Variants in AHDC1 observed in about 807,000 individuals in gnomAD.
The protein encoded by AHDC1 is transcription factor Gibbin.
A neutral mutation model predicts 87.9 loss-of-function variants in AHDC1; 7 were observed. The observed-to-expected ratio is 0.08, with a 90% CI of 0.05 to 0.15. AHDC1 has a LOEUF of 0.15. AHDC1 is among the 10% of genes least tolerant of loss of function. The pLI, the probability that AHDC1 is intolerant of heterozygous loss-of-function variation, is 1.00. For synonymous variants in AHDC1, 1,051 were observed against 1,006.8 expected (o/e 1.04, Z -0.83); for missense variants, 1,841 against 2,253.2 (o/e 0.82, Z 3.70).
In AHDC1 at chr1:27,560,558, ATG is replaced by A. The variant is rs2020029191; in HGVS notation, c.-628-1677_-628-1676del. Among the ~76,000 whole-genome samples the A allele has an allele frequency of 6.6e-6, 1 of 151,992 alleles. No individual in the cohort carries two copies. The highest frequency in any genetic ancestry group is 1.5e-5 in the Non-Finnish European group (1 of 67,986). ...TGCCTTTCTCTGGGTTTTCAGGGTC[ATG>A]GTGTGGCAGTGTGACTGGCCACAGT... On this transcript the variant is annotated intron_variant, in intron 3 of 8. Coordinates refer to ENST00000673934, the MANE Select transcript of AHDC1 (RefSeq NM_001371928.1). The surrounding 1 kb of genome is among the most constrained non-coding windows in gnomAD (Gnocchi z 4.1).
rs756490904 is a variant in AHDC1, at chr1:27,550,475, G to T, written c.1641C>A (p.Arg547=). The T allele has an allele frequency of 6.2e-7, 1 of 1,605,446 alleles. No homozygotes were observed. Among genetic ancestry groups the T allele is most frequent in the East Asian group, 2.2e-5 (1 of 44,710 alleles). Residue 547 remains arginine, a synonymous_variant, in exon 8 of 9, where the codon CGC becomes CGA. Transcript: ENST00000673934. ...GEMPIILKRK[R]GRPPKNLLLG... ...GCAGCAGGTTCTTAGGAGGGCGGCCGCGCTTACGTTTGAGAATAATGGGCA... is the reference window on the plus strand; with the variant it reads ...GCAGCAGGTTCTTAGGAGGGCGGCCTCGCTTACGTTTGAGAATAATGGGCA...
Position 27,551,441 on chromosome 1 carries a change from C to G in AHDC1, c.675G>C (p.Leu225=). ...SPGATAAATG[L]PPEPEPDSTD... ...TGCTGTCTGGCTCAGGCTCTGGGGGCAGACCCGTGGCCGCAGCCGTGGCTC... is the reference window on the plus strand; with the variant it reads ...TGCTGTCTGGCTCAGGCTCTGGGGGGAGACCCGTGGCCGCAGCCGTGGCTC... The change falls in exon 8 of 9, where the codon CTG becomes CTC. Residue 225 remains leucine (L), a synonymous_variant. Transcript: ENST00000673934. 6.2e-7 allele frequency: 1 copy of G among 1,612,576 alleles called. No individual in the cohort carries two copies. Among genetic ancestry groups the G allele is most frequent in the Non-Finnish European group, 8.5e-7 (1 of 1,179,832 alleles).
chr1:27,599,886 TGA>T (rs2089483516), intron 3 of AHDC1, among the ~76,000 whole-genome samples: 1 of 151,948 alleles, frequency 6.6e-6, no homozygotes, highest in African/African-American at 2.4e-5. Context: ...CCTCCTCCTG[TGA>T]GAGTCTCTCT....
At chr1:27,566,105 G>C (rs141318322) in intron 3 of AHDC1, among the ~76,000 whole-genome samples, 8 of 152,280 alleles carry the variant, frequency 5.3e-5, no homozygotes, top group African/African-American at 1.7e-4. Context: ...GTAGGAAATA[G>C]AGTAAGGAGA....
intron 8 of AHDC1, among the ~76,000 whole-genome samples, chr1:27,545,710 T>C (rs916329090): frequency 1.1e-4 from 16 of 150,976 alleles, no homozygotes; most frequent in African/African-American, 3.7e-4. Flanking sequence ...ATTTTAATCT[T>C]GGCCTGGCTT....
At chr1:27,539,997 C>T (rs1400629477) in intron 8 of AHDC1, among the ~76,000 whole-genome samples, 2 of 152,090 alleles carry the variant, frequency 1.3e-5, no homozygotes, top group Non-Finnish European at 2.9e-5. Context: ...CACTCTCCAC[C>T]CTCCAGCTGG....
chr1:27,557,382 G>T lies in AHDC1; in HGVS notation c.-225+923C>A, dbSNP rs1261136648. ...GCCTTCCCTGCAGCCTCTCACCCCC[G>T]CCCACCTCCTTCCCCAGAGAGCTCC... is the stretch of plus-strand genomic sequence containing the variant. On this transcript the variant is annotated intron_variant, in intron 5 of 8. Transcript: ENST00000673934. 3.4e-4 allele frequency among the ~76,000 whole-genome samples: 26 copies of T among 76,358 alleles called. 1 individual carries two copies. The highest frequency in any genetic ancestry group is 1.3e-4 in the Non-Finnish European group (5 of 37,042). 50.1% of individuals were successfully genotyped at this position (76,358 alleles called of 152,430 possible). A position where few individuals can be genotyped will look rare whatever the true frequency, so the allele number is the denominator to read the frequency against.
At position 27,551,527 on chromosome 1, in the gene AHDC1, G is replaced by A. The variant is rs367559504; in HGVS notation, c.589C>T (p.Leu197Phe). 2.5e-6 allele frequency: 4 copies of A among 1,604,718 alleles called. No homozygotes were observed. Among genetic ancestry groups the A allele is most frequent in the Admixed American group, 3.3e-5 (2 of 59,738 alleles). The change falls in exon 8 of 9, where the codon CTC becomes TTC. Residue 197 changes from leucine to phenylalanine, a missense_variant. This residue lies in a region of AHDC1 where 370 missense variants were observed against 391.5 expected (regional missense o/e 0.95). Transcript: ENST00000673934. ...CTAGGCTCAGGCTCAGGCTCGTAGA[G>A]GGGATGGCTGGGCCGCTCCGACTTG... The part of the protein sequence containing the change: ...HAKSERPSHP[L>F]YEPEPEPRDS...
Position 27,550,706 on chromosome 1 carries a change from G to A in AHDC1, c.1410C>T (p.Gly470=), listed in dbSNP as rs138778676. 1.3e-3 allele frequency: 2,013 copies of A among 1,608,374 alleles called. 21 individuals carry two copies. The African/African-American group carries it at 0.023, about 18-fold the overall frequency. Residue 470 remains glycine (G), a synonymous_variant, in exon 8 of 9, where the codon GGC becomes GGT. Coordinates refer to ENST00000673934, the MANE Select transcript of AHDC1 (RefSeq NM_001371928.1). ...CCATCTTCACCACCATGCGCCGCAC[G>A]CCCCGGCACTTGCCTTTGCGGGTAG... is the stretch of plus-strand genomic sequence containing the variant. ...VVSTRKGKCR[G]VRRMVVKMAK... is the part of the protein sequence containing the mutation.
chr1:27,546,641 G>A lies in AHDC1; in HGVS notation c.*43+620C>T, dbSNP rs554420691. Among the ~76,000 whole-genome samples, 14 of 152,304 alleles carry A rather than the reference G, an allele frequency of 9.2e-5. No homozygotes were observed. In the East Asian group the frequency reaches 2.5e-3, roughly 27 times the overall value. On this transcript the variant is annotated intron_variant, in intron 8 of 8. Transcript: ENST00000673934. Reference sequence around the variant, plus strand: ...CTCAGACCAAAGATGTTGGAAAATAGCCTTTGGGGGTACCTTGGGAGGCCA... The same window carrying A: ...CTCAGACCAAAGATGTTGGAAAATAACCTTTGGGGGTACCTTGGGAGGCCA...
chr1:27,548,365 T>A lies in AHDC1; in HGVS notation c.3751A>T (p.Thr1251Ser). The change falls in exon 8 of 9, where the codon ACA becomes TCA. Residue 1251 changes from threonine to serine, a missense_variant. By Grantham distance (58) the Thr-to-Ser change is moderately conservative. Coordinates refer to ENST00000673934, the MANE Select transcript of AHDC1 (RefSeq NM_001371928.1). The stretch of plus-strand genomic sequence containing the variant: ...CCTGAGGCAGCGGCAGAGGCGGATG[T>A]CGGGAAGCCCAGATGTGAGGCCTCG... ...LFEASHLGFP[T>S]SASAAASGYP... The A allele has an allele frequency of 6.2e-7, 1 of 1,606,334 alleles. No homozygotes were observed. Among genetic ancestry groups the A allele is most frequent in the Non-Finnish European group, 8.5e-7 (1 of 1,174,438 alleles).
At chr1:27,567,394 AG>A (rs1366759724) in intron 3 of AHDC1, among the ~76,000 whole-genome samples, 1 of 151,640 alleles carries the variant, frequency 6.6e-6, no homozygotes, top group Non-Finnish European at 1.5e-5. Flanking sequence ...GGGGGCCGGG[AG>A]GGGGGCTGAG....
At chr1:27,575,086 GC>G (rs993947219) in intron 3 of AHDC1, among the ~76,000 whole-genome samples, 3 of 152,218 alleles carry the variant, frequency 2.0e-5, no homozygotes, top group African/African-American at 7.2e-5. Context: ...CCTCCTAGCA[GC>G]CCTCAGATTC....
intron 3 of AHDC1, among the ~76,000 whole-genome samples, chr1:27,594,231 C>T (rs1244459361): frequency 3.3e-5 from 5 of 152,156 alleles, no homozygotes; most frequent in African/African-American, 1.2e-4. Context: ...AGCCCCGCAG[C>T]CTGGATTTGG....
At chr1:27,584,720 T>G (rs2088999545) in intron 3 of AHDC1, among the ~76,000 whole-genome samples, 1 of 152,078 alleles carries the variant, frequency 6.6e-6, no homozygotes, top group African/African-American at 2.4e-5. Context: ...AGCCTGACAC[T>G]CTGCCTGTTT....
intron 8 of AHDC1, among the ~76,000 whole-genome samples, chr1:27,539,662 T>G (rs1557647260): frequency 6.6e-6 from 1 of 151,994 alleles, no homozygotes; most frequent in Non-Finnish European, 1.5e-5. Flanking sequence ...GTCAGGCTGG[T>G]CTCGAACTCC....
intron 5 of AHDC1, among the ~76,000 whole-genome samples, chr1:27,557,953 C>A (rs886267301): frequency 6.6e-6 from 1 of 152,216 alleles, no homozygotes; most frequent in South Asian, 2.1e-4. Context: ...CATTTACATT[C>A]GGATACACAC....
rs749696192 is a variant in AHDC1, at chr1:27,551,885, A to T, written c.231T>A (p.Leu77=). The T allele has an allele frequency of 5.0e-6, 8 of 1,604,960 alleles. No homozygotes were observed. The East Asian group carries it at 1.8e-4, about 36-fold the overall frequency. The change falls in exon 8 of 9, where the codon CTT becomes CTA. Residue 77 remains leucine, a synonymous_variant. Transcript: ENST00000673934. ...GGGGCAGCGGGTCGTCCCCCTTGGC[A>T]AGGACTGGTGGGCGCCGGGTGCTGG... The part of the protein sequence containing the change: ...RDPSTRRPPV[L]AKGDDPLPPR...
At chr1:27,568,129 G>C (rs1002209674) in intron 3 of AHDC1, 1 of 152,232 alleles carries the variant, frequency 6.6e-6, no homozygotes, top group Non-Finnish European at 1.5e-5. Context: ...GGTGAGAAGG[G>C]CCCGATAGTA....
Sources: gnomAD v4.1 joint callset for allele counts (sites outside exome capture counted in the v4.1 genomes callset) on GRCh38, gnomAD v4.1.1 for gene constraint, gnomAD v4.1.1 regional missense constraint, Gnocchi (gnomAD v3.1) non-coding constraint, MANE v1.5 for transcripts, NCBI Gene and HGNC (gene_info 2026-07-23, HGNC 2026-07-21) for gene names.